LIPK: variants seen among roughly 807,000 people sequenced by gnomAD.
LIPK encodes the protein lipase family member K.
A neutral mutation model predicts 48.6 loss-of-function variants in LIPK; 32 were observed. The ratio of observed to expected loss-of-function variants is 0.66; its 90% CI spans 0.50 to 0.88. LIPK has a LOEUF of 0.88. Among genes scored for constraint, LIPK ranks in the 40% least tolerant of loss-of-function variants. The pLI, the probability that LIPK is intolerant of heterozygous loss-of-function variation, is 0.00. For missense variants in LIPK, 507 were observed against 478.5 expected (o/e 1.06, Z -0.56); for synonymous variants, 164 against 157.4 (o/e 1.04, Z -0.32).
intron 3 of LIPK, among the ~76,000 whole-genome samples, chr10:88,729,345 C>T (rs1236790728): frequency 6.6e-6 from 1 of 150,474 alleles, no homozygotes; most frequent in African/African-American, 2.4e-5. Flanking sequence ...TATACTTTGA[C>T]ATGTCGAATA....
chr10:88,745,571 C>T (rs1842752473), intron 9 of LIPK, among the ~76,000 whole-genome samples: 1 of 152,060 alleles, frequency 6.6e-6, no homozygotes, highest in South Asian at 2.1e-4. Flanking sequence ...ATTTTTCAGA[C>T]AAAATTGCTA....
chr10:88,724,663 C>A lies in LIPK; in HGVS notation c.105+15C>A, dbSNP rs56390975. 1,077,376 of 1,528,914 alleles carry A rather than the reference C, an allele frequency of 0.7. 386,017 individuals are homozygous for A. The highest frequency in any genetic ancestry group is 1 in the East Asian group (43,127 of 43,180). The allele number at this position is 1,528,914 out of a possible 1,614,324, so 94.7% of individuals were successfully genotyped here. A position where few individuals can be genotyped will look rare whatever the true frequency, so the allele number is the denominator to read the frequency against. ...ATATGAATATTGTAAGTCATTTATT[C>A]AGAAAAAAATGCTAAAATAAGGAAT... On this transcript the variant is annotated intron_variant, in intron 2 of 9. Transcript: ENST00000404190.
intron 7 of LIPK, among the ~76,000 whole-genome samples, chr10:88,738,686 A>T (rs1427272852): frequency 6.6e-6 from 1 of 152,234 alleles, no homozygotes; most frequent in Admixed American, 6.5e-5. Context: ...TGTATTTTAA[A>T]AGCACCCTCT....
intron 2 of LIPK, among the ~76,000 whole-genome samples, chr10:88,725,766 T>G (rs1253154953): frequency 6.6e-6 from 1 of 152,188 alleles, no homozygotes; most frequent in Non-Finnish European, 1.5e-5. Context: ...TAATCACTAA[T>G]TCCCCTCTTC....
At chr10:88,732,625 A>G (rs1842491730) in intron 6 of LIPK, 74 bp downstream of exon 6, 1 of 1,436,744 alleles carries the variant, frequency 7.0e-7, no homozygotes. Context: ...ACAGAAGACC[A>G]ATGACATTTT....
At chr10:88,731,338 G>T (rs557413098) in intron 4 of LIPK, among the ~76,000 whole-genome samples, 157 bp downstream of exon 4, 8 of 152,156 alleles carry the variant, frequency 5.3e-5, no homozygotes, top group African/African-American at 1.9e-4. Context: ...TTCTTCACAG[G>T]CTCTAAAGAA....
At chr10:88,741,987 C>T (rs1842687555) in intron 8 of LIPK, among the ~76,000 whole-genome samples, 1 of 152,140 alleles carries the variant, frequency 6.6e-6, no homozygotes. Flanking sequence ...GCTAGGAGGC[C>T]TCAAGAAACT....
At chr10:88,727,019 C>G in intron 3 of LIPK, 107 bp downstream of exon 3, 1 of 695,144 alleles carries the variant, frequency 1.4e-6, no homozygotes, top group South Asian at 1.6e-5. Flanking sequence ...CAGTCCTTTC[C>G]ATTAAAGGAG....
intron 3 of LIPK, 148 bp from the exon 4 acceptor site, chr10:88,730,835 G>A: frequency 1.6e-6 from 1 of 623,324 alleles, no homozygotes; most frequent in Non-Finnish European, 2.7e-6. Flanking sequence ...CAAGTAAGTA[G>A]CTCAGAAGGG....
intron 1 of LIPK, among the ~76,000 whole-genome samples, chr10:88,717,833 A>C (rs12776048): frequency 0.37 from 56,744 of 151,828 alleles, 10,951 homozygotes; most frequent in East Asian, 0.57. Context: ...TATTAAGATA[A>C]GAAGTGAAAA....
intron 6 of LIPK, among the ~76,000 whole-genome samples, chr10:88,734,585 TG>T (rs1334084226): frequency 2.0e-5 from 3 of 152,300 alleles, no homozygotes; most frequent in African/African-American, 7.2e-5. Context: ...AAGATTCCCC[TG>T]GGAACCAAAT....
intron 9 of LIPK, among the ~76,000 whole-genome samples, chr10:88,746,486 C>T (rs953143208): frequency 6.6e-6 from 1 of 151,872 alleles, no homozygotes; most frequent in Non-Finnish European, 1.5e-5. Context: ...CCATCAAAAC[C>T]ATGCAATTAG....
chr10:88,751,853 C>A (rs889274547), intron 9 of LIPK, among the ~76,000 whole-genome samples: 1 of 152,112 alleles, frequency 6.6e-6, no homozygotes, highest in African/African-American at 2.4e-5. Flanking sequence ...GGACCTCTGG[C>A]CCAGTTTTAG....
intron 1 of LIPK, among the ~76,000 whole-genome samples, chr10:88,712,122 C>CA (rs1330010438): frequency 6.6e-6 from 1 of 152,052 alleles, no homozygotes; most frequent in Non-Finnish European, 1.5e-5. Context: ...GATGTATAAA[C>CA]AAAGTATATC....
chr10:88,738,392 G>A (rs1184247512), intron 7 of LIPK, among the ~76,000 whole-genome samples: 3 of 152,194 alleles, frequency 2.0e-5, no homozygotes, highest in Non-Finnish European at 4.4e-5. Context: ...AGTAGGATAA[G>A]GCTGAAGTTG....
intron 9 of LIPK, among the ~76,000 whole-genome samples, chr10:88,745,204 T>A (rs1842746240): frequency 6.6e-6 from 1 of 152,174 alleles, no homozygotes; most frequent in Non-Finnish European, 1.5e-5. Context: ...TTGGAAAACA[T>A]ATTTGATGAT....
intron 1 of LIPK, among the ~76,000 whole-genome samples, chr10:88,718,260 A>G (rs1278386439): frequency 6.7e-6 from 1 of 149,558 alleles, no homozygotes; most frequent in Non-Finnish European, 1.5e-5. Context: ...TTCCTTCTAT[A>G]TATATACATA....
intron 9 of LIPK, among the ~76,000 whole-genome samples, chr10:88,751,365 A>G (rs571388818): frequency 6.6e-6 from 1 of 152,244 alleles, no homozygotes; most frequent in East Asian, 1.9e-4. Context: ...TTGGGAAAAA[A>G]AAATTCTTTT....
chr10:88,717,600 T>G (rs1842144128), intron 1 of LIPK, among the ~76,000 whole-genome samples: 1 of 152,162 alleles, frequency 6.6e-6, no homozygotes, highest in African/African-American at 2.4e-5. Context: ...CTCCTAATTG[T>G]GCATTGTGAT....
Sources: gnomAD v4.1 joint callset for allele counts (sites outside exome capture counted in the v4.1 genomes callset) on GRCh38, gnomAD v4.1.1 for gene constraint, MANE v1.5 for transcripts, NCBI Gene and HGNC (gene_info 2026-07-23, HGNC 2026-07-21) for gene names.